Variants in ADGB observed in about 807,000 individuals in gnomAD.
The protein encoded by ADGB is calpain-7-like protein.
In ADGB, 172 loss-of-function variants were observed where a neutral mutation model predicts 210.5. The observed-to-expected ratio is 0.82, with a 90% confidence interval of 0.72 to 0.93. The LOEUF (loss-of-function observed/expected upper bound fraction) is 0.93. ADGB is among the 40% of genes least tolerant of loss of function. The pLI is 0.00. For synonymous variants in ADGB, 658 were observed against 662.7 expected (o/e 0.99, Z 0.11); for missense variants, 2,025 against 1,964.8 (o/e 1.03, Z -0.58).
At chr6:146,756,729 C>T (rs7770653) in intron 27 of ADGB, among the ~76,000 whole-genome samples, 48,339 of 151,472 alleles carry the variant, frequency 0.32, 8,810 homozygotes, top group African/African-American at 0.5. Context: ...TGTTCATCAT[C>T]ATTTTGTTCC....
At chr6:146,812,287 A>C (rs259372) in intron 35 of ADGB, among the ~76,000 whole-genome samples, 101,502 of 152,038 alleles carry the variant, frequency 0.67, 35,166 homozygotes, top group African/African-American at 0.87. Flanking sequence ...ATGGAGGACG[A>C]CCCACAATGA....
intron 23 of ADGB, 94 bp downstream of exon 23, chr6:146,736,685 C>A: frequency 1.4e-6 from 1 of 704,046 alleles, no homozygotes; most frequent in Non-Finnish European, 2.3e-6. Flanking sequence ...GCGCCCCAGT[C>A]ACTGCAGCTA....
chr6:146,635,761 A>T (rs1053739633), intron 2 of ADGB, among the ~76,000 whole-genome samples: 5 of 151,960 alleles, frequency 3.3e-5, no homozygotes, highest in Non-Finnish European at 5.9e-5. Flanking sequence ...GAAGAAAGAG[A>T]TATGACCAAA....
chr6:146,696,489 G>A (rs1168658216), intron 12 of ADGB, among the ~76,000 whole-genome samples: 1 of 149,302 alleles, frequency 6.7e-6, no homozygotes, highest in Admixed American at 6.6e-5. Flanking sequence ...CTTATTCCAA[G>A]GATATTTAAA....
chr6:146,672,854 C>T (rs1222003519), intron 8 of ADGB, among the ~76,000 whole-genome samples: 2 of 151,918 alleles, frequency 1.3e-5, no homozygotes, highest in Non-Finnish European at 2.9e-5. Flanking sequence ...CCTCAGCCTC[C>T]CAAGTAGCTG....
chr6:146,715,933 T>C (rs1490998820), intron 14 of ADGB, among the ~76,000 whole-genome samples: 2 of 151,086 alleles, frequency 1.3e-5, no homozygotes, highest in Admixed American at 6.6e-5. Flanking sequence ...CAGGGCATGG[T>C]GGTGTGTGCC....
Position 146,726,106 on chromosome 6 carries a change from C to G in ADGB, c.2261C>G (p.Ala754Gly). The change falls in exon 19 of 36, where the codon GCA becomes GGA. Residue 754 changes from alanine (A) to glycine (G), a missense_variant. Coordinates refer to ENST00000397944, the MANE Select transcript of ADGB (RefSeq NM_024694.4). ...PVGRHMLLFN[A>G]YSPVGHSIHI... is the part of the protein sequence containing the mutation. ...AGGAGACACATGCTACTCTTCAACG[C>G]ATACTCCCCAGTAGGACACTCCATA... The G allele has an allele frequency of 6.5e-7, 1 of 1,544,356 alleles. No homozygotes were observed. The highest frequency in any genetic ancestry group is 8.8e-7 in the Non-Finnish European group (1 of 1,140,830).
chr6:146,726,413 CG>C (rs1241964644), intron 19 of ADGB, among the ~76,000 whole-genome samples: 1 of 151,908 alleles, frequency 6.6e-6, no homozygotes, highest in Non-Finnish European at 1.5e-5. Context: ...TTATTAGAGA[CG>C]GGGTTTCACT....
chr6:146,734,854 G>A (rs984089283), intron 22 of ADGB, among the ~76,000 whole-genome samples: 19 of 152,074 alleles, frequency 1.2e-4, no homozygotes, highest in Non-Finnish European at 7.3e-5. Context: ...TGGTTGCAGC[G>A]AGCCTGAGCC....
intron 33 of ADGB, among the ~76,000 whole-genome samples, chr6:146,799,702 T>C (rs1426433807): frequency 6.6e-6 from 1 of 151,756 alleles, no homozygotes; most frequent in Non-Finnish European, 1.5e-5. Context: ...ATGTTAATAA[T>C]GGGGGAGGCT....
rs1267428920 is a variant in ADGB at position 146,746,126 on chromosome 6, G to A, written c.3365+17G>A. 13 of 1,457,884 alleles carry A rather than the reference G, an allele frequency of 8.9e-6. No homozygotes were observed. The South Asian group carries it at 1.5e-4, about 17-fold the overall frequency. 90.3% of individuals were successfully genotyped at this position (1,457,884 alleles called of 1,614,324 possible). On this transcript the variant is annotated intron_variant, in intron 26 of 35. Transcript: ENST00000397944. ...TTTATTCAGGTACAAGTAAATGACAGAAGGGGAAAGGCATTTTTTAAAAAA... is the reference window on the plus strand; with the variant it reads ...TTTATTCAGGTACAAGTAAATGACAAAAGGGGAAAGGCATTTTTTAAAAAA...
Position 146,785,664 on chromosome 6 carries a change from G to A in ADGB, c.4267G>A (p.Ala1423Thr). Residue 1423 changes from alanine to threonine, a missense_variant, in exon 32 of 36, where the codon GCT (alanine) becomes ACT (threonine). By Grantham distance (58) the Ala-to-Thr change is moderately conservative. Transcript: ENST00000397944. ...LSGFIKKTSD[A>T]ESPPISESQT... is the part of the protein sequence containing the mutation. ...CGGGTTCATTAAGAAAACATCTGATGCTGAGAGTCCGCCTATATCTGAAAG... is the reference window on the plus strand; with the variant it reads ...CGGGTTCATTAAGAAAACATCTGATACTGAGAGTCCGCCTATATCTGAAAG... 1.3e-6 allele frequency: 2 copies of A among 1,551,184 alleles called. No homozygotes were observed. Among genetic ancestry groups the A allele is most frequent in the African/African-American group, 2.7e-5 (2 of 73,130 alleles).
rs1776912411 is a variant in ADGB, at chr6:146,727,366, C to T, written c.2352+1169C>T. Reference sequence around the variant, plus strand: ...TGTTTGCTGTGCCATCTCTCACTAGCTCTCTTTCTCTCTTGCTCAACAGCC... The same window carrying T: ...TGTTTGCTGTGCCATCTCTCACTAGTTCTCTTTCTCTCTTGCTCAACAGCC... On this transcript the variant is annotated intron_variant, in intron 19 of 35. Transcript: ENST00000397944. 2.6e-5 allele frequency among the ~76,000 whole-genome samples: 4 copies of T among 152,204 alleles called. No homozygotes were observed. The South Asian group carries it at 8.3e-4, about 32-fold the overall frequency.
At chr6:146,761,450 A>T (rs972599347) in intron 27 of ADGB, among the ~76,000 whole-genome samples, 1 of 151,830 alleles carries the variant, frequency 6.6e-6, no homozygotes, top group African/African-American at 2.4e-5. Flanking sequence ...CTAAATAACT[A>T]CTCTTCCTCC....
intron 9 of ADGB, among the ~76,000 whole-genome samples, chr6:146,682,248 T>A (rs1385692776): frequency 6.6e-6 from 1 of 152,094 alleles, no homozygotes; most frequent in Non-Finnish European, 1.5e-5. Flanking sequence ...AAGTGGTATT[T>A]AAGTAATCTT....
chr6:146,679,145 G>C (rs922082347), intron 9 of ADGB, among the ~76,000 whole-genome samples: 2 of 152,114 alleles, frequency 1.3e-5, no homozygotes, highest in Admixed American at 6.6e-5. Context: ...GACTTTAAGA[G>C]GAGTTGGAAA....
Position 146,801,252 on chromosome 6 carries a change from A to G in ADGB, c.4607A>G (p.Glu1536Gly). ...CCACGACTTATTCGAAAAGCACTAGAATTTATGGATTTAAGTCAATATGTT... is the reference window on the plus strand; with the variant it reads ...CCACGACTTATTCGAAAAGCACTAGGATTTATGGATTTAAGTCAATATGTT... ...TSPRLIRKAL[E>G]FMDLSQYVRK... The change falls in exon 34 of 36, where the codon GAA becomes GGA. Residue 1536 changes from glutamate to glycine, a missense_variant. Glu to Gly is a moderately conservative substitution (Grantham distance 98). Coordinates refer to ENST00000397944, the MANE Select transcript of ADGB (RefSeq NM_024694.4). 1 of 1,512,164 alleles carries G rather than the reference A, an allele frequency of 6.6e-7. No homozygotes were observed. Among genetic ancestry groups the G allele is most frequent in the East Asian group, 2.6e-5 (1 of 38,012 alleles). The allele number at this position is 1,512,164 out of a possible 1,614,324, so 93.7% of individuals were successfully genotyped here. A position where few individuals can be genotyped will look rare whatever the true frequency, so the allele number is the denominator to read the frequency against.
intron 33 of ADGB, among the ~76,000 whole-genome samples, chr6:146,793,136 T>C (rs893546455): frequency 6.6e-6 from 1 of 152,224 alleles, no homozygotes; most frequent in Non-Finnish European, 1.5e-5. Flanking sequence ...TTGCCCTTTT[T>C]TCAATCCTCC....
intron 29 of ADGB, among the ~76,000 whole-genome samples, chr6:146,779,589 G>T (rs1777769177): frequency 6.6e-6 from 1 of 152,040 alleles, no homozygotes; most frequent in Non-Finnish European, 1.5e-5. Context: ...ACATACAAGT[G>T]ATTCTCGGTA....
Sources: allele counts gnomAD v4.1 joint callset (sites outside exome capture counted in the v4.1 genomes callset), GRCh38; gene constraint gnomAD v4.1.1; transcripts MANE v1.5; gene names NCBI Gene and HGNC (gene_info 2026-07-23, HGNC 2026-07-21).